Variants in HERPUD2 observed in about 807,000 individuals in gnomAD.
The protein encoded by HERPUD2 is HERPUD family member 2.
A neutral mutation model predicts 49.9 loss-of-function variants in HERPUD2; 13 were observed. The observed-to-expected ratio is 0.26, with a 90% CI of 0.17 to 0.41. The LOEUF (loss-of-function observed/expected upper bound fraction) is 0.41, where lower values mean the gene tolerates loss of function less well. Ranked by LOEUF, HERPUD2 falls within the 10% of genes least tolerant of loss-of-function variation. The probability of loss-of-function intolerance (pLI) is 1.00; values close to 1 mark genes in which losing one functional copy is unlikely to be tolerated. For synonymous variants in HERPUD2, 172 were observed against 171.4 expected, an observed-to-expected ratio of 1.00 and a Z score of -0.03; for missense variants, 449 against 492.2, an observed-to-expected ratio of 0.91 and a Z score of 0.83.
chr7:35,676,727 T>G (rs1785768144), intron 2 of HERPUD2, among the ~76,000 whole-genome samples: 1 of 152,228 alleles, frequency 6.6e-6, no homozygotes, highest in African/African-American at 2.4e-5. Flanking sequence ...TAAATAGTAT[T>G]CACTCATTTT....
At chr7:35,660,364 A>G (rs1785388184) in intron 5 of HERPUD2, among the ~76,000 whole-genome samples, 1 of 152,256 alleles carries the variant, frequency 6.6e-6, no homozygotes, top group Non-Finnish European at 1.5e-5. Context: ...TTATACCAGC[A>G]TGATTTATAA....
intron 2 of HERPUD2, among the ~76,000 whole-genome samples, chr7:35,677,376 G>A (rs1183212281): frequency 6.6e-6 from 1 of 152,140 alleles, no homozygotes; most frequent in East Asian, 1.9e-4. Flanking sequence ...ATGGATATTT[G>A]AGCGTTTCTA....
chr7:35,657,364 T>C (rs752824406), intron 5 of HERPUD2, among the ~76,000 whole-genome samples: 3 of 152,014 alleles, frequency 2.0e-5, no homozygotes, highest in Non-Finnish European at 1.5e-5. Context: ...AAACAATAGA[T>C]ACTGGCTAGG....
At chr7:35,683,444 C>T (rs562462393) in intron 2 of HERPUD2, among the ~76,000 whole-genome samples, 1 of 152,274 alleles carries the variant, frequency 6.6e-6, no homozygotes, top group African/African-American at 2.4e-5. Context: ...GGACTTAAAT[C>T]TAAGACCTGA....
intron 5 of HERPUD2, among the ~76,000 whole-genome samples, chr7:35,644,091 C>T (rs1785010450): frequency 6.6e-6 from 1 of 151,992 alleles, no homozygotes; most frequent in African/African-American, 2.4e-5. Context: ...TCATTAGGGA[C>T]TAGGATGTTT....
rs1319526236 is a variant in HERPUD2, at chr7:35,686,742, A to AG, written c.147+7441_147+7442insC. 2.1e-4 allele frequency among the ~76,000 whole-genome samples: 24 copies of AG among 112,410 alleles called. 3 individuals are homozygous for AG. Among genetic ancestry groups the AG allele is most frequent in the Non-Finnish European group, 3.8e-4 (22 of 57,778 alleles). The allele number at this position is 112,410 out of a possible 152,430, so 73.7% of individuals were successfully genotyped here. A position where few individuals can be genotyped will look rare whatever the true frequency, so the allele number is the denominator to read the frequency against. ...TCAAAAAAAAAAAAAAAAAAAAAAA[A>AG]AAACCAAACCCATTTCCAGGCCAGG... On this transcript the variant is annotated intron_variant, in intron 2 of 8. Transcript: ENST00000311350.
chr7:35,653,381 C>G (rs1209545682), intron 5 of HERPUD2, among the ~76,000 whole-genome samples: 2 of 152,092 alleles, frequency 1.3e-5, no homozygotes, highest in African/African-American at 2.4e-5. Flanking sequence ...TATAACAATT[C>G]TAAACATAAA....
chr7:35,678,239 TAAA>T (rs34474837), intron 2 of HERPUD2, among the ~76,000 whole-genome samples: 2 of 145,424 alleles, frequency 1.4e-5, no homozygotes, highest in Non-Finnish European at 3.0e-5. Flanking sequence ...TTCACATTAT[TAAA>T]AAAAAAAAAA....
In HERPUD2 at chr7:35,667,566, G is replaced by A. The variant is rs771818343; in HGVS notation, c.362C>T (p.Thr121Ile). The A allele has an allele frequency of 1.4e-5, 22 of 1,613,236 alleles. No individual in the cohort carries two copies. Among genetic ancestry groups the A allele is most frequent in the Middle Eastern group, 1.7e-4 (1 of 6,054 alleles). ...GGTTTCTTGACCAGATGATGGAGTT[G>A]TTGATCCTGAATGATCTGAACTCTA... The part of the protein sequence containing the change: ...SNSSSDHSGS[T>I]TPSSGQETLS... The change falls in exon 5 of 9, where the codon ACA becomes ATA. Residue 121 changes from threonine (T) to isoleucine (I), a missense_variant. Transcript: ENST00000311350.
At position 35,689,214 on chromosome 7, in the gene HERPUD2, A is replaced by G. The variant is rs143217871; in HGVS notation, c.147+4970T>C. Among the ~76,000 whole-genome samples, 622 of 152,318 alleles carry G rather than the reference A, an allele frequency of 4.1e-3. 3 individuals carry two copies. Among genetic ancestry groups the G allele is most frequent in the Non-Finnish European group, 4.2e-3 (285 of 68,008 alleles). ...AAGACATAAGGCTACAAATACATTA[A>G]GCAATAAAATTTTAGTGAGCAGTCA... On this transcript the variant is annotated intron_variant, in intron 2 of 8. Transcript: ENST00000311350.
In HERPUD2 at chr7:35,644,136, A is replaced by G. The variant is rs145548820; in HGVS notation, c.495-5664T>C. On this transcript the variant is annotated intron_variant, in intron 5 of 8. Coordinates refer to ENST00000311350, the MANE Select transcript of HERPUD2 (RefSeq NM_022373.5). ...AGATATATAAATACACATACCAAAG[A>G]TGATTTGTGAAAACTCTTTAACTTT... 1.7e-3 allele frequency among the ~76,000 whole-genome samples: 255 copies of G among 152,294 alleles called. 2 individuals are homozygous for G. The highest frequency in any genetic ancestry group is 6.0e-3 in the African/African-American group (250 of 41,560).
chr7:35,693,668 C>T (rs1474959304), intron 2 of HERPUD2, among the ~76,000 whole-genome samples: 1 of 151,794 alleles, frequency 6.6e-6, no homozygotes, highest in East Asian at 1.9e-4. Context: ...GACAGAGTCT[C>T]ACTGTGCCAC....
At chr7:35,655,011 C>T (rs537993920) in intron 5 of HERPUD2, among the ~76,000 whole-genome samples, 9 of 152,228 alleles carry the variant, frequency 5.9e-5, no homozygotes, top group East Asian at 3.9e-4. Flanking sequence ...TGCACCACGA[C>T]GCCCAGCTAA....
At chr7:35,670,463 C>T in intron 3 of HERPUD2, 135 bp from the exon 4 acceptor site, 1 of 401,152 alleles carries the variant, frequency 2.5e-6, no homozygotes, top group Non-Finnish European at 4.4e-6. Flanking sequence ...AAATTGTTAT[C>T]ATTTGAAGGT....
intron 2 of HERPUD2, among the ~76,000 whole-genome samples, chr7:35,685,331 T>G (rs1440340334): frequency 1.3e-5 from 2 of 150,282 alleles, no homozygotes; most frequent in African/African-American, 2.4e-5. Flanking sequence ...TTTTGTTTTT[T>G]TTTTTTTTTG....
rs761286187 is a variant in HERPUD2, at chr7:35,633,725, G to A, written c.1186C>T (p.Leu396=). ...ACCTGGGGAGGCCCCTCTGGTATTA[G>A]TGAAGTAAAGAAGGTGGTGATGAAA... ...WSFITTFFTS[L]IPEGPPQVAN The change falls in exon 9 of 9, where the codon CTA becomes TTA. Residue 396 remains leucine (L), a synonymous_variant. Coordinates refer to ENST00000311350, the MANE Select transcript of HERPUD2 (RefSeq NM_022373.5). 1.2e-6 allele frequency: 2 copies of A among 1,613,758 alleles called. No homozygotes were observed. Among genetic ancestry groups the A allele is most frequent in the South Asian group, 1.1e-5 (1 of 91,066 alleles).
intron 2 of HERPUD2, among the ~76,000 whole-genome samples, chr7:35,682,222 T>C (rs1373602789): frequency 7.4e-6 from 1 of 135,396 alleles, no homozygotes; most frequent in East Asian, 2.2e-4. Flanking sequence ...TGTGTGTGTG[T>C]GTATATATAG....
chr7:35,688,205 T>A (rs892967366), intron 2 of HERPUD2, among the ~76,000 whole-genome samples: 1 of 152,168 alleles, frequency 6.6e-6, no homozygotes, highest in East Asian at 1.9e-4. Flanking sequence ...AAATTTGTAC[T>A]AGAACACATC....
At chr7:35,648,999 C>A (rs1430141742) in intron 5 of HERPUD2, among the ~76,000 whole-genome samples, 2 of 152,128 alleles carry the variant, frequency 1.3e-5, no homozygotes, top group Non-Finnish European at 2.9e-5. Context: ...CGCCTGTAAT[C>A]CCAGCACTTT....
Sources: allele counts gnomAD v4.1 joint callset (sites outside exome capture counted in the v4.1 genomes callset), GRCh38; gene constraint gnomAD v4.1.1; transcripts MANE v1.5; gene names NCBI Gene and HGNC (gene_info 2026-07-23, HGNC 2026-07-21).